KLHL5: variants seen among roughly 807,000 people sequenced by gnomAD.
KLHL5 encodes the protein kelch like family member 5.
In KLHL5, 48 loss-of-function variants were observed where a neutral mutation model predicts 77.7. The ratio of observed to expected loss-of-function variants is 0.62; its 90% CI spans 0.49 to 0.79. KLHL5 has a LOEUF of 0.79. Ranked by LOEUF, KLHL5 falls within the 30% of genes least tolerant of loss-of-function variation. The pLI is 0.00. For synonymous variants in KLHL5, 260 were observed against 297.0 expected (o/e 0.88, Z 1.28); for missense variants, 723 against 859.7 (o/e 0.84, Z 1.99).
intron 2 of KLHL5, among the ~76,000 whole-genome samples, chr4:39,079,831 G>T (rs879717387): frequency 5.3e-5 from 8 of 151,282 alleles, no homozygotes; most frequent in African/African-American, 1.7e-4. Context: ...TTCATTAAAT[G>T]AATGAATGAA....
At position 39,122,028 on chromosome 4, in the gene KLHL5, G is replaced by A. The variant is rs1424720754; in HGVS notation, c.*962G>A. On this transcript the variant is annotated 3_prime_UTR_variant, in exon 11 of 11. Coordinates refer to ENST00000504108, the MANE Select transcript of KLHL5 (RefSeq NM_015990.5). ...GTGCTTCTTTGTAATCAAACAGTTT[G>A]TGGGAGAATGGGCTTATTGAATGTC... 1.3e-5 allele frequency: 2 copies of A among 152,722 alleles called. No individual in the cohort carries two copies. Among genetic ancestry groups the A allele is most frequent in the East Asian group, 1.9e-4 (1 of 5,192 alleles). 9.5% of individuals were successfully genotyped at this position (152,722 alleles called of 1,614,324 possible).
chr4:39,107,614 A>G lies in KLHL5; in HGVS notation c.1571A>G (p.Asp524Gly), dbSNP rs757993400. 1 of 1,612,468 alleles carries G rather than the reference A, an allele frequency of 6.2e-7. No individual in the cohort carries two copies. The highest frequency in any genetic ancestry group is 8.5e-7 in the Non-Finnish European group (1 of 1,178,864). Residue 524 changes from aspartate (D) to glycine (G), a missense_variant, in exon 8 of 11, where the codon GAT becomes GGT. Coordinates refer to ENST00000504108, the MANE Select transcript of KLHL5 (RefSeq NM_015990.5). ...CCCATGTATGCCGTAGGAGGACATG[A>G]TGGCTGGAGCTATCTGAACACAGTG... The part of the protein sequence containing the change: ...EGPMYAVGGH[D>G]GWSYLNTVER...
Position 39,123,986 on chromosome 4 carries a change from A to G in KLHL5, c.*2920A>G, listed in dbSNP as rs998151392. On this transcript the variant is annotated 3_prime_UTR_variant, in exon 11 of 11. Coordinates refer to ENST00000504108, the MANE Select transcript of KLHL5 (RefSeq NM_015990.5). Reference sequence around the variant, plus strand: ...TCCGGCTGATTTTAAAAATTCAGCAATGTTGCAGGTTGCAAGATCAACACA... The same window carrying G: ...TCCGGCTGATTTTAAAAATTCAGCAGTGTTGCAGGTTGCAAGATCAACACA... Among the ~76,000 whole-genome samples the G allele has an allele frequency of 1.1e-4, 16 of 152,314 alleles. No individual in the cohort carries two copies. Among genetic ancestry groups the G allele is most frequent in the East Asian group, 9.6e-4 (5 of 5,192 alleles).
chr4:39,076,239 GT>G, intron 2 of KLHL5, 92 bp downstream of exon 2: 3 of 1,124,994 alleles, frequency 2.7e-6, no homozygotes, highest in Non-Finnish European at 3.8e-6. Context: ...TGACTATTAT[GT>G]TTTTGGGAAG....
the KLHL5 span, among the ~76,000 whole-genome samples, chr4:39,142,394 CAA>C: frequency 3.2e-4 from 30 of 94,920 alleles, no homozygotes; most frequent in Non-Finnish European, 3.2e-4. Context: ...AACTCTGTCT[CAA>C]AAAAAAAAAA....
chr4:39,107,817 A>T, intron 8 of KLHL5, 86 bp downstream of exon 8: 2 of 949,634 alleles, frequency 2.1e-6, no homozygotes, highest in Non-Finnish European at 3.0e-6. Flanking sequence ...ATATACATAA[A>T]TACTTACAGT....
intron 1 of KLHL5, among the ~76,000 whole-genome samples, chr4:39,067,533 CAG>C (rs974875512): frequency 6.6e-6 from 1 of 151,932 alleles, no homozygotes; most frequent in Non-Finnish European, 1.5e-5. Context: ...TGACTAATCA[CAG>C]AGTTCAGCTG....
At chr4:39,051,950 G>T (rs1716684447) in intron 1 of KLHL5, among the ~76,000 whole-genome samples, 1 of 152,126 alleles carries the variant, frequency 6.6e-6, no homozygotes, top group Admixed American at 6.5e-5. Context: ...CCTAATAACA[G>T]TTGAGGTACC....
rs139891532 is a variant in KLHL5, at chr4:39,090,931, T to C, written c.1113+4204T>C. Among the ~76,000 whole-genome samples, 1,146 of 150,238 alleles carry C rather than the reference T, an allele frequency of 7.6e-3. 11 individuals carry two copies. The highest frequency in any genetic ancestry group is 0.014 in the Middle Eastern group (4 of 286). On this transcript the variant is annotated intron_variant, in intron 5 of 10. Coordinates refer to ENST00000504108, the MANE Select transcript of KLHL5 (RefSeq NM_015990.5). ...GATCCTCCCACCTCAGCCTCCTGAG[T>C]AGCTGGAACTACAGACACACACCAC... is the stretch of plus-strand genomic sequence containing the variant.
At chr4:39,069,841 A>G (rs1167443535) in intron 1 of KLHL5, among the ~76,000 whole-genome samples, 1 of 152,118 alleles carries the variant, frequency 6.6e-6, no homozygotes, top group Non-Finnish European at 1.5e-5. Context: ...CTTAAACAAA[A>G]ACTAGAAATT....
Position 39,076,100 on chromosome 4 carries a change from G to T in KLHL5, c.519G>T (p.Leu173Phe). 1 of 1,607,694 alleles carries T rather than the reference G, an allele frequency of 6.2e-7. No individual in the cohort carries two copies. The highest frequency in any genetic ancestry group is 8.5e-7 in the Non-Finnish European group (1 of 1,178,418). ...KMENYLRHKQ[L>F]CDVILVAGDR... Reference sequence around the variant, plus strand: ...AAAACTATTTGAGACATAAACAGTTGTGTGATGTAATTTTAGTCGCTGGTG... The same window carrying T: ...AAAACTATTTGAGACATAAACAGTTTTGTGATGTAATTTTAGTCGCTGGTG... Residue 173 changes from leucine (L) to phenylalanine (F), a missense_variant, in exon 2 of 11, where the codon TTG becomes TTT. This residue lies in a region of KLHL5 where 221 missense variants were observed against 222.1 expected (regional missense o/e 1.00). Coordinates refer to ENST00000504108, the MANE Select transcript of KLHL5 (RefSeq NM_015990.5).
At chr4:39,072,626 A>T in intron 1 of KLHL5, among the ~76,000 whole-genome samples, 1 of 152,314 alleles carries the variant, frequency 6.6e-6, no homozygotes, top group Middle Eastern at 3.4e-3. Context: ...AAATAGCCTC[A>T]TGGGGCTAGT....
At position 39,086,660 on chromosome 4, in the gene KLHL5, T is replaced by G. The variant is rs555905735; in HGVS notation, c.1046T>G (p.Leu349Trp). 3.4e-5 allele frequency: 55 copies of G among 1,614,036 alleles called. No homozygotes were observed. The South Asian group carries it at 5.9e-4, about 17-fold the overall frequency. ...NALLTWVRHD[L>W]EQRRKDLSKL... is the part of the protein sequence containing the mutation. ...CTTCTTACTTGGGTCCGTCATGATTTGGAACAGAGACGGAAAGATCTAAGT... is the reference window on the plus strand; with the variant it reads ...CTTCTTACTTGGGTCCGTCATGATTGGGAACAGAGACGGAAAGATCTAAGT... The change falls in exon 5 of 11, where the codon TTG becomes TGG. Residue 349 changes from leucine (L) to tryptophan (W), a missense_variant. By Grantham distance (61) the Leu-to-Trp change is moderately conservative. Around this residue, in one of 3 missense-constraint regions of KLHL5, gnomAD observed 288 missense variants for 400.3 expected, o/e 0.72. Coordinates refer to ENST00000504108, the MANE Select transcript of KLHL5 (RefSeq NM_015990.5).
rs776300161 is a variant in KLHL5 at position 39,081,058 on chromosome 4, A to T, written c.567-45A>T. On this transcript the variant is annotated intron_variant, in intron 2 of 10. Coordinates refer to ENST00000504108, the MANE Select transcript of KLHL5 (RefSeq NM_015990.5). This position sits in a 1 kb window ranked among gnomAD's most constrained non-coding sequence, Gnocchi z 4.3. ...CAGCAGCATTTATTAATGAACATCA[A>T]CTCGAATGTGGTCATTGATTTTTTT... 43 of 1,564,238 alleles carry T rather than the reference A, an allele frequency of 2.7e-5. 2 individuals carry two copies. The South Asian group carries it at 4.9e-4, about 18-fold the overall frequency.
chr4:39,062,666 G>T lies in KLHL5; in HGVS notation c.14G>T (p.Arg5Leu), dbSNP rs75761953. MSGS[R>L]KEFDVKQILK... ...GTTTCTCTGAGGATGTCTGGTTCTCGTAAAGAGTTTGATGTGAAACAGATT... is the reference window on the plus strand; with the variant it reads ...GTTTCTCTGAGGATGTCTGGTTCTCTTAAAGAGTTTGATGTGAAACAGATT... The change falls in exon 1 of 11, where the codon CGT becomes CTT. Residue 5 changes from arginine (R) to leucine (L), a missense_variant. Around this residue, in one of 3 missense-constraint regions of KLHL5, gnomAD observed 221 missense variants for 222.1 expected, o/e 1.00. Transcript: ENST00000504108. 8.1e-6 allele frequency: 13 copies of T among 1,614,004 alleles called. No homozygotes were observed. In the Admixed American group the frequency reaches 2.0e-4, roughly 25 times the overall value.
In KLHL5 at chr4:39,096,813, G is replaced by A. The variant is rs755035038; in HGVS notation, c.1235G>A (p.Arg412Gln). The change falls in exon 6 of 11, where the codon CGG (arginine) becomes CAG (glutamine). Residue 412 changes from arginine to glutamine, a missense_variant. Physicochemically the swap from Arg to Gln is conservative, Grantham distance 43 (BLOSUM62 1). Around this residue, in one of 3 missense-constraint regions of KLHL5, gnomAD observed 288 missense variants for 400.3 expected, o/e 0.72. Transcript: ENST00000504108. ...AGACGACCCATGTTACAAAGTCCTC[G>A]GACAAAACCTAGGAAGTCAACTGTT... is the stretch of plus-strand genomic sequence containing the variant. The part of the protein sequence containing the change: ...PERRPMLQSP[R>Q]TKPRKSTVGT... 31 of 1,613,698 alleles carry A rather than the reference G, an allele frequency of 1.9e-5. No homozygotes were observed. The highest frequency in any genetic ancestry group is 5.0e-5 in the Admixed American group (3 of 59,986).
chr4:39,118,030 T>C (rs2163275), intron 10 of KLHL5, among the ~76,000 whole-genome samples: 78,342 of 148,578 alleles, frequency 0.53, 21,149 homozygotes, highest in Non-Finnish European at 0.59. Flanking sequence ...CACTGCACTC[T>C]AGCCTGGGTG....
At chr4:39,069,898 A>G (rs532497509) in intron 1 of KLHL5, among the ~76,000 whole-genome samples, 1 of 152,144 alleles carries the variant, frequency 6.6e-6, no homozygotes, top group Non-Finnish European at 1.5e-5. Context: ...CTAGCTTTAG[A>G]CATAGCTGGA....
intron 5 of KLHL5, among the ~76,000 whole-genome samples, chr4:39,091,432 A>G (rs948098734): frequency 6.0e-5 from 9 of 149,890 alleles, no homozygotes; most frequent in Non-Finnish European, 1.2e-4. Flanking sequence ...CATTCCAAAC[A>G]TTTCAATTTG....
Sources: gnomAD v4.1 joint callset for allele counts (sites outside exome capture counted in the v4.1 genomes callset) on GRCh38, gnomAD v4.1.1 for gene constraint, gnomAD v4.1.1 regional missense constraint, Gnocchi (gnomAD v3.1) non-coding constraint, MANE v1.5 for transcripts, NCBI Gene and HGNC (gene_info 2026-07-23, HGNC 2026-07-21) for gene names.